RELN: variants seen among roughly 807,000 people sequenced by gnomAD.
RELN encodes reelin.
Under a neutral mutation model 427.6 loss-of-function variants are expected in RELN, and 108 were observed. That is an observed-to-expected ratio of 0.25 (90% confidence interval 0.22 to 0.30). RELN has a LOEUF of 0.30. Ranked by LOEUF, RELN falls within the 10% of genes least tolerant of loss-of-function variation. RELN has a pLI of 1.00. For synonymous variants in RELN, 1,524 were observed against 1,513.4 expected (o/e 1.01, Z -0.16); for missense variants, 3,715 against 4,302.8 (o/e 0.86, Z 3.82).
intron 2 of RELN, among the ~76,000 whole-genome samples, chr7:103,842,317 G>A (rs1584287996): frequency 6.7e-6 from 1 of 150,134 alleles, no homozygotes; most frequent in Non-Finnish European, 1.5e-5. Context: ...GTGTTATATT[G>A]TAAATGAAAA....
At chr7:103,611,102 T>A (rs1045141874) in intron 21 of RELN, among the ~76,000 whole-genome samples, 3 of 152,222 alleles carry the variant, frequency 2.0e-5, no homozygotes, top group African/African-American at 7.2e-5. Context: ...AGGCCTGTTA[T>A]CGTAACACTG....
At chr7:103,837,922 G>C (rs376156211) in intron 2 of RELN, among the ~76,000 whole-genome samples, 3 of 152,192 alleles carry the variant, frequency 2.0e-5, no homozygotes, top group South Asian at 4.1e-4. Context: ...AAAAAGAAAA[G>C]AAGGGCCAGG....
intron 6 of RELN, among the ~76,000 whole-genome samples, chr7:103,733,606 A>C (rs1790413858): frequency 6.9e-6 from 1 of 144,534 alleles, no homozygotes; most frequent in African/African-American, 2.6e-5. Flanking sequence ...AATACTATGC[A>C]GCCATAAAAA....
At chr7:103,663,425 T>C (rs1833187583) in intron 11 of RELN, among the ~76,000 whole-genome samples, 1 of 152,186 alleles carries the variant, frequency 6.6e-6, no homozygotes, top group Non-Finnish European at 1.5e-5. Flanking sequence ...TTCCTGACTG[T>C]ATCCTGTCCT....
At chr7:103,494,920 A>G (rs1584230558) in intron 57 of RELN, among the ~76,000 whole-genome samples, 1 of 152,152 alleles carries the variant, frequency 6.6e-6, no homozygotes, top group Admixed American at 6.6e-5. Flanking sequence ...AATGCACATA[A>G]TAGGCATGGA....
At chr7:103,815,497 C>G (rs1422869400) in intron 3 of RELN, among the ~76,000 whole-genome samples, 2 of 152,078 alleles carry the variant, frequency 1.3e-5, no homozygotes, top group Non-Finnish European at 2.9e-5. Context: ...CATTGTATTT[C>G]CTGCAATTTT....
At chr7:103,834,165 G>A (rs893865923) in intron 2 of RELN, among the ~76,000 whole-genome samples, 1 of 152,172 alleles carries the variant, frequency 6.6e-6, no homozygotes, top group Non-Finnish European at 1.5e-5. Context: ...TCAAGAAAAG[G>A]TCCTTTGCCT....
intron 46 of RELN, 81 bp from the exon 47 acceptor site, chr7:103,523,612 G>C: frequency 7.5e-7 from 1 of 1,341,882 alleles, no homozygotes; most frequent in Non-Finnish European, 1.1e-6. Flanking sequence ...AGTGCATGGA[G>C]AAGTGTAACA....
chr7:103,707,886 A>G (rs1778532149), intron 8 of RELN, among the ~76,000 whole-genome samples: 1 of 152,228 alleles, frequency 6.6e-6, no homozygotes, highest in African/African-American at 2.4e-5. Context: ...ATTTTACCAT[A>G]AAGAAACAAA....
intron 24 of RELN, among the ~76,000 whole-genome samples, chr7:103,598,645 T>C (rs557367490): frequency 7.9e-5 from 12 of 152,324 alleles, no homozygotes; most frequent in African/African-American, 2.6e-4. Flanking sequence ...TACAGAGGTT[T>C]TGAAAGAATG....
intron 34 of RELN, among the ~76,000 whole-genome samples, chr7:103,562,552 A>G (rs903427679): frequency 5.9e-5 from 9 of 152,220 alleles, no homozygotes; most frequent in African/African-American, 2.2e-4. Flanking sequence ...TTGGGTCACA[A>G]GACTGCTTTA....
intron 36 of RELN, among the ~76,000 whole-genome samples, chr7:103,558,397 A>T (rs1180761136): frequency 1.3e-5 from 2 of 152,314 alleles, no homozygotes; most frequent in African/African-American, 4.8e-5. Context: ...AGTAACGAGG[A>T]AGCAGATGGA....
At position 103,788,554 on chromosome 7, in the gene RELN, C is replaced by G. The variant is rs191046496; in HGVS notation, c.474-11927G>C. Among the ~76,000 whole-genome samples the G allele has an allele frequency of 2.3e-3, 355 of 152,234 alleles. 4 individuals are homozygous for G. The highest frequency in any genetic ancestry group is 0.01 in the Middle Eastern group (3 of 294). ...TTCCTATAAACCAATAATAGACAAACAGAGAGCCAAATCATGAGCAAACTC... is the reference window on the plus strand; with the variant it reads ...TTCCTATAAACCAATAATAGACAAAGAGAGAGCCAAATCATGAGCAAACTC... On this transcript the variant is annotated intron_variant, in intron 3 of 64. Transcript: ENST00000428762.
intron 28 of RELN, among the ~76,000 whole-genome samples, chr7:103,581,463 A>G (rs1831127875): frequency 6.6e-6 from 1 of 152,146 alleles, no homozygotes; most frequent in Non-Finnish European, 1.5e-5. Context: ...AGATAATACA[A>G]CCAGGGACTT....
At chr7:103,792,649 T>G (rs1012048559) in intron 3 of RELN, among the ~76,000 whole-genome samples, 1 of 151,978 alleles carries the variant, frequency 6.6e-6, no homozygotes, top group African/African-American at 2.4e-5. Flanking sequence ...TTATAAAAAT[T>G]TTTATAATTG....
intron 19 of RELN, among the ~76,000 whole-genome samples, chr7:103,631,030 A>C (rs541463773): frequency 5.9e-5 from 9 of 151,650 alleles, no homozygotes; most frequent in Non-Finnish European, 1.3e-4. Flanking sequence ...AACACGCTAA[A>C]CCACCTCTTG....
At chr7:103,616,515 T>C (rs1266010818) in intron 20 of RELN, among the ~76,000 whole-genome samples, 1 of 152,166 alleles carries the variant, frequency 6.6e-6, no homozygotes, top group Admixed American at 6.6e-5. Context: ...AGAAATTGTA[T>C]ACTTATTGGA....
intron 3 of RELN, among the ~76,000 whole-genome samples, chr7:103,796,038 G>C (rs944784983): frequency 4.6e-5 from 7 of 152,162 alleles, no homozygotes; most frequent in African/African-American, 1.7e-4. Context: ...ATCTGACACA[G>C]TGCCAACTAG....
chr7:103,794,727 G>A (rs574382848), intron 3 of RELN, among the ~76,000 whole-genome samples: 70 of 152,172 alleles, frequency 4.6e-4, no homozygotes, highest in Non-Finnish European at 7.1e-4. Flanking sequence ...ATTTAAATTG[G>A]ATCATTCTTT....
Sources: allele counts gnomAD v4.1 joint callset (sites outside exome capture counted in the v4.1 genomes callset), GRCh38; gene constraint gnomAD v4.1.1; transcripts MANE v1.5; gene names NCBI Gene and HGNC (gene_info 2026-07-23, HGNC 2026-07-21).